ENO3: variants seen among roughly 807,000 people sequenced by gnomAD.
ENO3 encodes the protein enolase 3.
ENO3 carries 46 observed loss-of-function variants against 47.7 expected under a neutral mutation model. The ratio of observed to expected loss-of-function variants is 0.96; its 90% CI spans 0.76 to 1.23. The LOEUF is 1.23. Ranked by LOEUF, ENO3 falls within the 50% of genes most tolerant of loss-of-function variation. ENO3 has a pLI of 0.00. For synonymous variants in ENO3, 223 were observed against 225.9 expected (o/e 0.99, Z 0.11); for missense variants, 575 against 566.2 (o/e 1.02, Z -0.16).
intron 8 of ENO3, 25 bp downstream of exon 8, chr17:4,955,629 T>C (rs1363427247): frequency 1.9e-6 from 3 of 1,613,980 alleles, no homozygotes; most frequent in Non-Finnish European, 2.5e-6. Context: ...TGTCCCAGTG[T>C]TCCTGCCCGA....
At chr17:4,952,261 C>T (rs1971562401) in intron 2 of ENO3, 2 of 375,730 alleles carry the variant, frequency 5.3e-6, no homozygotes, top group African/African-American at 4.2e-5. Flanking sequence ...ACTGCAACCT[C>T]TGCCTCCCGG....
intron 6 of ENO3, among the ~76,000 whole-genome samples, chr17:4,954,636 T>C (rs1306719340): frequency 6.6e-6 from 1 of 152,152 alleles, no homozygotes; most frequent in Non-Finnish European, 1.5e-5. Flanking sequence ...AAAGAGAGGC[T>C]GGGCACAGTG....
chr17:4,954,895 C>CAAAA (rs375176343), intron 6 of ENO3, among the ~76,000 whole-genome samples, 180 bp from the exon 7 acceptor site: 2 of 64,594 alleles, frequency 3.1e-5, no homozygotes, highest in Admixed American at 1.8e-4. Context: ...GACTCCGTCT[C>CAAAA]AAAAAAAAAA....
At chr17:4,948,746 G>A (rs1258418237), upstream of ENO3, 2 of 286,746 alleles carry the variant, frequency 7.0e-6, no homozygotes, top group Non-Finnish European at 1.3e-5. Context: ...AAGGATGGGG[G>A]GTGGCGGGAG....
At chr17:4,951,956 C>T (rs1319982138) in intron 2 of ENO3, 42 bp downstream of exon 2, 2 of 1,605,792 alleles carry the variant, frequency 1.2e-6, no homozygotes, top group Non-Finnish European at 1.7e-6. Flanking sequence ...CCGAAGACCC[C>T]AACCCTTTGG....
intron 6 of ENO3, among the ~76,000 whole-genome samples, chr17:4,954,853 C>T (rs1008448665): frequency 2.0e-5 from 3 of 149,276 alleles, no homozygotes; most frequent in Non-Finnish European, 3.0e-5. Context: ...GCGGAGGTTG[C>T]GCCATTGCAC....
In ENO3 at chr17:4,956,119, G is replaced by T. The variant is rs770181847; in HGVS notation, c.1043G>T (p.Gly348Val). The T allele has an allele frequency of 2.1e-5, 34 of 1,613,926 alleles. No individual in the cohort carries two copies. The South Asian group carries it at 3.7e-4, about 18-fold the overall frequency. ...CTGCTGCTGAAGGTCAACCAGATCG[G>T]CTCGGTGACCGAATCGATCCAGGCG... is the stretch of plus-strand genomic sequence containing the variant. ...NCLLLKVNQI[G>V]SVTESIQACK... The change falls in exon 9 of 12, where the codon GGC (glycine) becomes GTC (valine). Residue 348 changes from glycine to valine, a missense_variant. Gly to Val is a moderately radical substitution (Grantham distance 109). Transcript: ENST00000519602.
chr17:4,950,373 C>T (rs1254295829), upstream of ENO3: 2 of 167,644 alleles, frequency 1.2e-5, no homozygotes, highest in African/African-American at 4.8e-5. Context: ...CATTTTTGTT[C>T]ACTGTTGATT....
At chr17:4,954,421 C>T (rs747328780) in intron 6 of ENO3, among the ~76,000 whole-genome samples, 23 of 152,190 alleles carry the variant, frequency 1.5e-4, no homozygotes, top group South Asian at 4.1e-4. Context: ...GGGGTAATAA[C>T]GATACCAATG....
In ENO3 at chr17:4,951,160, A is replaced by T; in HGVS notation, c.-25A>T. 3.0e-6 allele frequency: 3 copies of T among 989,754 alleles called. No homozygotes were observed. Among genetic ancestry groups the T allele is most frequent in the Non-Finnish European group, 3.6e-6 (3 of 832,512 alleles). The allele number at this position is 989,754 out of a possible 1,614,324, so 61.3% of individuals were successfully genotyped here. A position where few individuals can be genotyped will look rare whatever the true frequency, so the allele number is the denominator to read the frequency against. ...CCACCTAGACTCGGAGCTCCATCCA[A>T]ACCTCCAGCGAAGACATCCCAGGTC... On this transcript the variant is annotated 5_prime_UTR_variant, in exon 1 of 12. Coordinates refer to ENST00000519602, the MANE Select transcript of ENO3 (RefSeq NM_053013.4).
In ENO3 at chr17:4,955,236, G is replaced by A; in HGVS notation, c.606G>A (p.Lys202=). Residue 202 remains lysine (K), a synonymous_variant, in exon 7 of 12, where the codon AAG becomes AAA. Transcript: ENST00000519602. ...GGGTCATCAAGGCCAAGTATGGGAA[G>A]GATGCCACCAATGTGGGTGATGAAG... ...LKGVIKAKYG[K]DATNVGDEGG... 1 of 1,614,284 alleles carries A rather than the reference G, an allele frequency of 6.2e-7. No individual in the cohort carries two copies. Among genetic ancestry groups the A allele is most frequent in the Non-Finnish European group, 8.5e-7 (1 of 1,180,046 alleles).
chr17:4,949,953 G>A (rs1002198573), upstream of ENO3, among the ~76,000 whole-genome samples: 3 of 152,004 alleles, frequency 2.0e-5, no homozygotes, highest in African/African-American at 4.8e-5. Context: ...CCTACCCCAG[G>A]GTGGAAAAAT....
chr17:4,956,151 C>G lies in ENO3; in HGVS notation c.1067+8C>G. On this transcript the variant is annotated splice_region_variant and intron_variant, in intron 9 of 11. Coordinates refer to ENST00000519602, the MANE Select transcript of ENO3 (RefSeq NM_053013.4). ...GACCGAATCGATCCAGGCGTGAGTG[C>G]CTCCTGACCCTGAGGCTCACCATAG... 1.2e-6 allele frequency: 2 copies of G among 1,613,620 alleles called. No homozygotes were observed. The highest frequency in any genetic ancestry group is 1.7e-6 in the Non-Finnish European group (2 of 1,179,836).
intron 6 of ENO3, 150 bp downstream of exon 6, chr17:4,953,995 C>G (rs2151141615): frequency 1.6e-6 from 2 of 1,217,080 alleles, no homozygotes; most frequent in East Asian, 5.1e-5. Context: ...TGGTCCCACC[C>G]CTCCCTCTCT....
At chr17:4,954,809 A>T (rs538165684) in intron 6 of ENO3, among the ~76,000 whole-genome samples, 2 of 149,902 alleles carry the variant, frequency 1.3e-5, no homozygotes, top group East Asian at 4.0e-4. Context: ...GCTACTAGGG[A>T]GGCTAAGGCA....
At position 4,953,846 on chromosome 17, in the gene ENO3, G is replaced by A. The variant is rs766388133; in HGVS notation, c.444+1G>A. 6.2e-7 allele frequency: 1 copy of A among 1,614,014 alleles called. No individual in the cohort carries two copies. Among genetic ancestry groups the A allele is most frequent in the East Asian group, 2.2e-5 (1 of 44,884 alleles). ...CCCTGACCTCATACTCCCAGTGCCAGTGAGTGCAGCTACCCGCCCTTCCCA... is the reference window on the plus strand; with the variant it reads ...CCCTGACCTCATACTCCCAGTGCCAATGAGTGCAGCTACCCGCCCTTCCCA... On this transcript the variant is annotated splice_donor_variant, in intron 6 of 11. Transcript: ENST00000519602. LOFTEE classifies it high-confidence loss of function.
chr17:4,955,281 C>T lies in ENO3; in HGVS notation c.651C>T (p.Ile217=), dbSNP rs1287053468. Reference sequence around the variant, plus strand: ...ATGAAGGTGGCTTCGCACCCAACATCCTGGAGAACAATGAGGGTCAGTGCT... The same window carrying T: ...ATGAAGGTGGCTTCGCACCCAACATTCTGGAGAACAATGAGGGTCAGTGCT... ...VGDEGGFAPN[I]LENNEALELL... Residue 217 remains isoleucine (I), a synonymous_variant, in exon 7 of 12, where the codon ATC becomes ATT. Coordinates refer to ENST00000519602, the MANE Select transcript of ENO3 (RefSeq NM_053013.4). The T allele has an allele frequency of 3.1e-6, 5 of 1,614,138 alleles. No homozygotes were observed. Among genetic ancestry groups the T allele is most frequent in the East Asian group, 4.5e-5 (2 of 44,892 alleles).
At chr17:4,949,811 C>T (rs1305410725), upstream of ENO3, among the ~76,000 whole-genome samples, 1 of 152,156 alleles carries the variant, frequency 6.6e-6, no homozygotes, top group Non-Finnish European at 1.5e-5. Flanking sequence ...ATCCCACAGT[C>T]CCCGACGCCC....
intron 2 of ENO3, among the ~76,000 whole-genome samples, chr17:4,952,539 T>G (rs372307125): frequency 9.2e-5 from 14 of 152,200 alleles, no homozygotes; most frequent in South Asian, 8.3e-4. Context: ...CAGCCAGGAT[T>G]GTCTCGATCT....
Sources: allele counts gnomAD v4.1 joint callset (sites outside exome capture counted in the v4.1 genomes callset), GRCh38; gene constraint gnomAD v4.1.1; transcripts MANE v1.5; gene names NCBI Gene and HGNC (gene_info 2026-07-23, HGNC 2026-07-21).